LEF1: variants seen among roughly 807,000 people sequenced by gnomAD.
LEF1 encodes the protein lymphoid enhancer binding factor 1.
In LEF1, 14 loss-of-function variants were observed where a neutral mutation model predicts 51.2. The observed-to-expected ratio is 0.27, with a 90% CI of 0.18 to 0.43. The LOEUF (loss-of-function observed/expected upper bound fraction) is 0.43, where lower values mean the gene tolerates loss of function less well. Ranked by LOEUF, LEF1 falls within the 20% of genes least tolerant of loss-of-function variation. The probability of loss-of-function intolerance (pLI) is 1.00; values close to 1 mark genes in which losing one functional copy is unlikely to be tolerated. For missense variants in LEF1, 386 were observed against 512.0 expected, an observed-to-expected ratio of 0.75 and a Z score of 2.37; for synonymous variants, 185 against 183.2, an observed-to-expected ratio of 1.01 and a Z score of -0.08.
In LEF1 at chr4:108,063,724, C is replaced by T. The variant is rs146942674; in HGVS notation, c.1166-61G>A. ...AAGAGGTTTTTGTACATTCCAAATACGTAGTAGCTACAATATCATGTGAAC... is the reference window on the plus strand; with the variant it reads ...AAGAGGTTTTTGTACATTCCAAATATGTAGTAGCTACAATATCATGTGAAC... On this transcript the variant is annotated intron_variant, in intron 10 of 11. Transcript: ENST00000265165. 613 of 1,052,828 alleles carry T rather than the reference C, an allele frequency of 5.8e-4. 1 individual carries two copies. The East Asian group carries it at 0.011, about 19-fold the overall frequency. The allele number at this position is 1,052,828 out of a possible 1,614,324, so 65.2% of individuals were successfully genotyped here. A position where few individuals can be genotyped will look rare whatever the true frequency, so the allele number is the denominator to read the frequency against.
At chr4:108,102,837 G>A (rs912765845) in intron 3 of LEF1, among the ~76,000 whole-genome samples, 3 of 152,272 alleles carry the variant, frequency 2.0e-5, no homozygotes, top group Admixed American at 6.5e-5. Flanking sequence ...TCTTGAGGGA[G>A]AAAGCTATAA....
At chr4:108,049,671 C>A (rs1044710782) in intron 11 of LEF1, among the ~76,000 whole-genome samples, 1 of 152,216 alleles carries the variant, frequency 6.6e-6, no homozygotes, top group African/African-American at 2.4e-5. Context: ...TGAATCCCAA[C>A]ACTTTGTGCT....
intron 3 of LEF1, among the ~76,000 whole-genome samples, chr4:108,132,541 T>C (rs1390243884): frequency 6.6e-6 from 1 of 152,058 alleles, no homozygotes; most frequent in Non-Finnish European, 1.5e-5. Flanking sequence ...CTAGTTGATA[T>C]TGTTTACTGA....
intron 9 of LEF1, among the ~76,000 whole-genome samples, chr4:108,069,957 CAAA>C (rs5860891): frequency 4.5e-4 from 64 of 142,768 alleles, no homozygotes; most frequent in East Asian, 8.0e-4. Flanking sequence ...GATTCTGTCT[CAAA>C]AAAAAAAAAA....
At position 108,165,131 on chromosome 4, in the gene LEF1, G is replaced by A; in HGVS notation, c.246C>T (p.Pro82=). The A allele has an allele frequency of 4.3e-6, 7 of 1,614,140 alleles. No homozygotes were observed. Among genetic ancestry groups the A allele is most frequent in the Non-Finnish European group, 5.9e-6 (7 of 1,180,034 alleles). Residue 82 remains proline, a synonymous_variant, in exon 2 of 12, where the codon CCC becomes CCT. Transcript: ENST00000265165. ...VARQAQTSQE[P]YHDKAREHPD... Reference sequence around the variant, plus strand: ...GGTGTTCTCTGGCCTTGTCGTGGTAGGGCTCCTGAGAGGTTTGTGCTTGTC... The same window carrying A: ...GGTGTTCTCTGGCCTTGTCGTGGTAAGGCTCCTGAGAGGTTTGTGCTTGTC...
intron 3 of LEF1, among the ~76,000 whole-genome samples, chr4:108,107,441 T>C (rs897279128): frequency 1.3e-5 from 2 of 152,158 alleles, no homozygotes; most frequent in African/African-American, 2.4e-5. Context: ...TCGTCTCTTA[T>C]GCTTTCCAAA....
Position 108,089,224 on chromosome 4 carries a change from C to T in LEF1, c.448G>A (p.Ala150Thr), listed in dbSNP as rs772045871. Residue 150 changes from alanine (A) to threonine (T), a missense_variant, in exon 4 of 12, where the codon GCG becomes ACG. By Grantham distance (58) the Ala-to-Thr change is moderately conservative (BLOSUM62 0). Transcript: ENST00000265165. Reference sequence around the variant, plus strand: ...ATGAGGGGGGTGAGAGGATGGACCGCATGGGATGGCTGCACCACGGGCACT... The same window carrying T: ...ATGAGGGGGGTGAGAGGATGGACCGTATGGGATGGCTGCACCACGGGCACT... ...NKVPVVQPSH[A>T]VHPLTPLITY... The T allele has an allele frequency of 2.5e-6, 4 of 1,614,008 alleles. No homozygotes were observed. Among genetic ancestry groups the T allele is most frequent in the Admixed American group, 3.3e-5 (2 of 60,004 alleles).
At chr4:108,132,816 G>GTACCACAA (rs1211541742) in intron 3 of LEF1, among the ~76,000 whole-genome samples, 6 of 150,710 alleles carry the variant, frequency 4.0e-5, no homozygotes, top group African/African-American at 1.5e-4. Context: ...CTATAGGCAT[G>GTACCACAA]TACCACAACA....
chr4:108,112,113 G>C (rs1230391255), intron 3 of LEF1, among the ~76,000 whole-genome samples: 1 of 152,174 alleles, frequency 6.6e-6, no homozygotes, highest in Non-Finnish European at 1.5e-5. Context: ...TGACCTGTTG[G>C]GAGTTCAATG....
chr4:108,166,517 C>T, intron 1 of LEF1: 2 of 1,331,516 alleles, frequency 1.5e-6, no homozygotes, highest in Non-Finnish European at 1.9e-6. Context: ...ACAAGGGTGA[C>T]CAGTGGAGTG....
intron 3 of LEF1, among the ~76,000 whole-genome samples, chr4:108,160,055 A>G (rs184684474): frequency 6.6e-6 from 1 of 152,298 alleles, no homozygotes; most frequent in Non-Finnish European, 1.5e-5. Flanking sequence ...CTCCCCAAGC[A>G]TCTGAAGAGA....
intron 8 of LEF1, 39 bp downstream of exon 8, chr4:108,078,181 T>C (rs1739041009): frequency 6.3e-7 from 1 of 1,599,766 alleles, no homozygotes; most frequent in Non-Finnish European, 8.5e-7. Context: ...AGCAGTTCCA[T>C]GGCTACCATG....
At chr4:108,124,214 ATAT>A (rs1418696484) in intron 3 of LEF1, among the ~76,000 whole-genome samples, 1 of 152,126 alleles carries the variant, frequency 6.6e-6, no homozygotes, top group African/African-American at 2.4e-5. Context: ...GAGATAACTG[ATAT>A]TTTGGTCCAT....
intron 3 of LEF1, among the ~76,000 whole-genome samples, chr4:108,104,166 G>GATATGT (rs1400646478): frequency 3.5e-4 from 53 of 152,118 alleles, no homozygotes; most frequent in Middle Eastern, 6.8e-3. Context: ...CATATTATAT[G>GATATGT]ATATGTATAT....
intron 3 of LEF1, chr4:108,104,669 G>A: frequency 1.0e-6 from 1 of 984,358 alleles, no homozygotes; most frequent in Non-Finnish European, 1.2e-6. Context: ...ACTATCGTAT[G>A]AAGGACATAC....
At chr4:108,163,749 T>C (rs1366812036) in intron 2 of LEF1, 48 bp from the exon 3 acceptor site, 1 of 1,580,346 alleles carries the variant, frequency 6.3e-7, no homozygotes, top group South Asian at 1.2e-5. Flanking sequence ...TTCCCTTTTA[T>C]ATTACTGTAT....
chr4:108,096,361 A>G (rs569949821), intron 3 of LEF1, among the ~76,000 whole-genome samples: 2 of 152,332 alleles, frequency 1.3e-5, no homozygotes, highest in African/African-American at 4.8e-5. Flanking sequence ...AAAACTTTGC[A>G]GTGGAAGGAC....
chr4:108,070,944 A>G (rs1470793111), intron 8 of LEF1, 174 bp from the exon 9 acceptor site: 13 of 551,300 alleles, frequency 2.4e-5, no homozygotes, highest in Non-Finnish European at 4.2e-5. Context: ...TCTAGTGGCT[A>G]CAGTGAAACT....
Position 108,047,659 on chromosome 4 carries a change from G to C in LEF1, c.*1099C>G, listed in dbSNP as rs1305768000. Reference sequence around the variant, plus strand: ...GATGACAGTTTTGGGCAAAGGCTGTGCCTTGCTTTTTTAAAAAATGGGTAC... The same window carrying C: ...GATGACAGTTTTGGGCAAAGGCTGTCCCTTGCTTTTTTAAAAAATGGGTAC... On this transcript the variant is annotated 3_prime_UTR_variant, in exon 12 of 12. Transcript: ENST00000265165. 2 of 152,648 alleles carry C rather than the reference G, an allele frequency of 1.3e-5. No homozygotes were observed. Among genetic ancestry groups the C allele is most frequent in the Non-Finnish European group, 2.9e-5 (2 of 68,042 alleles). 9.5% of individuals were successfully genotyped at this position (152,648 alleles called of 1,614,324 possible). A position where few individuals can be genotyped will look rare whatever the true frequency, so the allele number is the denominator to read the frequency against.
Sources: gnomAD v4.1 joint callset for allele counts (sites outside exome capture counted in the v4.1 genomes callset) on GRCh38, gnomAD v4.1.1 for gene constraint, MANE v1.5 for transcripts, NCBI Gene and HGNC (gene_info 2026-07-23, HGNC 2026-07-21) for gene names.